The following SCUBE1 variants were observed in gnomAD, a reference collection of about 807,000 sequenced individuals.
The protein encoded by SCUBE1 is signal peptide, CUB and EGF-like domain-containing protein 1.
SCUBE1 carries 59 observed loss-of-function variants against 124.4 expected under a neutral mutation model. The observed-to-expected ratio is 0.47, with a 90% CI of 0.38 to 0.59. The LOEUF is 0.59. Ranked by LOEUF, SCUBE1 falls within the 20% of genes least tolerant of loss-of-function variation. SCUBE1 has a pLI of 0.00. For synonymous variants in SCUBE1, 545 were observed against 550.9 expected, an observed-to-expected ratio of 0.99 and a Z score of 0.15; for missense variants, 1,150 against 1,371.2, an observed-to-expected ratio of 0.84 and a Z score of 2.55.
chr22:43,326,614 G>T (rs769251795), intron 2 of SCUBE1, among the ~76,000 whole-genome samples: 1 of 152,104 alleles, frequency 6.6e-6, no homozygotes, highest in Non-Finnish European at 1.5e-5. Context: ...TTACAGGAAA[G>T]GTCAAAGGGC....
intron 3 of SCUBE1, among the ~76,000 whole-genome samples, chr22:43,295,960 C>T (rs1161070997): frequency 6.6e-6 from 1 of 151,804 alleles, no homozygotes; most frequent in Admixed American, 6.6e-5. Flanking sequence ...CGGAGGTGTT[C>T]TGAAAGCAAA....
intron 3 of SCUBE1, among the ~76,000 whole-genome samples, chr22:43,298,791 G>A (rs11912893): frequency 0.015 from 2,189 of 149,632 alleles, 26 homozygotes; most frequent in African/African-American, 0.03. Context: ...GGTGGCTCAC[G>A]CCTGTAATCC....
At chr22:43,259,630 T>G (rs1028794215) in intron 5 of SCUBE1, among the ~76,000 whole-genome samples, 3 of 152,134 alleles carry the variant, frequency 2.0e-5, no homozygotes, top group African/African-American at 7.2e-5. Flanking sequence ...ATGGGGCACC[T>G]CAGCCTTGGA....
At chr22:43,206,045 C>T (rs1354128956) in intron 21 of SCUBE1, among the ~76,000 whole-genome samples, 1 of 144,894 alleles carries the variant, frequency 6.9e-6, no homozygotes, top group East Asian at 2.1e-4. Context: ...ACACACTCAC[C>T]CCCACACACA....
At chr22:43,289,308 C>T (rs4820516) in intron 4 of SCUBE1, among the ~76,000 whole-genome samples, 141,685 of 152,296 alleles carry the variant, frequency 0.93, 66,047 homozygotes, top group East Asian at 1. Context: ...TTTGCCTCCA[C>T]CGTGGGCAGC....
Position 43,331,239 on chromosome 22 carries a change from G to C in SCUBE1, c.220+7865C>G, listed in dbSNP as rs571427555. Among the ~76,000 whole-genome samples the C allele has an allele frequency of 2.3e-3, 350 of 152,222 alleles. 7 individuals carry two copies. The highest frequency in any genetic ancestry group is 0.01 in the Middle Eastern group (3 of 292). ...GTAGACGCCGGGGATATAAAATTCAGGAAGTGATTATTTACATTCATTACA... is the reference window on the plus strand; with the variant it reads ...GTAGACGCCGGGGATATAAAATTCACGAAGTGATTATTTACATTCATTACA... On this transcript the variant is annotated intron_variant, in intron 2 of 21. Coordinates refer to ENST00000360835, the MANE Select transcript of SCUBE1 (RefSeq NM_173050.5).
intron 16 of SCUBE1, chr22:43,213,250 G>A (rs35478791): frequency 0.074 from 11,309 of 152,418 alleles, 761 homozygotes; most frequent in African/African-American, 0.17. Flanking sequence ...ACCCAAACAC[G>A]GAATCTCCTA....
intron 14 of SCUBE1, among the ~76,000 whole-genome samples, chr22:43,219,462 A>T (rs1250914567): frequency 2.0e-5 from 3 of 151,590 alleles, no homozygotes; most frequent in Non-Finnish European, 4.4e-5. Flanking sequence ...TAGCAACGCA[A>T]ATAGACTAAA....
At chr22:43,225,027 A>G (rs994223900) in intron 10 of SCUBE1, among the ~76,000 whole-genome samples, 5 of 152,220 alleles carry the variant, frequency 3.3e-5, no homozygotes, top group Non-Finnish European at 4.4e-5. Context: ...ATACATTAAT[A>G]TATTTAAGAG....
intron 16 of SCUBE1, 132 bp downstream of exon 16, chr22:43,213,958 A>G: frequency 3.1e-6 from 3 of 970,678 alleles, no homozygotes; most frequent in African/African-American, 1.6e-5. Context: ...GGAAACGACA[A>G]GGAACTTTAG....
chr22:43,217,233 C>T (rs1414627127), intron 15 of SCUBE1, among the ~76,000 whole-genome samples: 1 of 151,104 alleles, frequency 6.6e-6, no homozygotes, highest in Non-Finnish European at 1.5e-5. Flanking sequence ...TTTGAGGCTT[C>T]GGACTTGTGG....
intron 2 of SCUBE1, among the ~76,000 whole-genome samples, chr22:43,323,741 A>G (rs2146788771): frequency 6.6e-6 from 1 of 152,200 alleles, no homozygotes; most frequent in South Asian, 2.1e-4. Flanking sequence ...TCAAACACCT[A>G]CCTACCCATT....
At position 43,227,488 on chromosome 22, in the gene SCUBE1, C is replaced by T. The variant is rs1354921762; in HGVS notation, c.1093G>A (p.Glu365Lys). The change falls in exon 10 of 22, where the codon GAG becomes AAG. Residue 365 changes from glutamate to lysine, a missense_variant. Physicochemically the swap from Glu to Lys is moderately conservative, Grantham distance 56 (BLOSUM62 1). This residue lies in a region of SCUBE1 where 337 missense variants were observed against 482.1 expected (regional missense o/e 0.70). Transcript: ENST00000360835. ...CAGCTCCCGTTGCTCATGCTGCACT[C>T]GTCCACATCTGGAAGCACAGCGGGC... ...YGTTHCGDVD[E>K]CSMSNGSCDQ... 5.0e-6 allele frequency: 8 copies of T among 1,612,138 alleles called. No individual in the cohort carries two copies. Among genetic ancestry groups the T allele is most frequent in the South Asian group, 2.2e-5 (2 of 91,074 alleles).
At chr22:43,264,003 A>G (rs1923971089) in intron 4 of SCUBE1, among the ~76,000 whole-genome samples, 1 of 152,200 alleles carries the variant, frequency 6.6e-6, no homozygotes, top group East Asian at 1.9e-4. Flanking sequence ...CGTGCGGTCA[A>G]CGCTTAACAG....
intron 6 of SCUBE1, among the ~76,000 whole-genome samples, chr22:43,243,002 G>T (rs531888512): frequency 1.3e-5 from 2 of 152,336 alleles, no homozygotes; most frequent in Admixed American, 6.5e-5. Flanking sequence ...AATAAAAATG[G>T]AATTGCCTTG....
intron 3 of SCUBE1, among the ~76,000 whole-genome samples, chr22:43,297,695 C>T (rs184726156): frequency 2.0e-5 from 3 of 152,234 alleles, no homozygotes; most frequent in African/African-American, 7.2e-5. Context: ...GCCCAAGATG[C>T]TGATGTTTGT....
intron 3 of SCUBE1, among the ~76,000 whole-genome samples, chr22:43,311,507 GC>G (rs1291612638): frequency 2.0e-5 from 3 of 148,326 alleles, no homozygotes; most frequent in Non-Finnish European, 4.5e-5. Flanking sequence ...TGCAACCTCT[GC>G]CCCCCGGGTT....
intron 3 of SCUBE1, among the ~76,000 whole-genome samples, chr22:43,298,282 G>A (rs999910236): frequency 3.9e-5 from 6 of 152,208 alleles, no homozygotes; most frequent in Non-Finnish European, 8.8e-5. Flanking sequence ...GGTATGCCTG[G>A]GGTCTCCCAG....
rs1921083349 is a variant in SCUBE1 at position 43,203,360 on chromosome 22, G to GTATATATATATATTTATATATA, written c.*615_*636dup. 2 of 146,766 alleles carry GTATATATATATATTTATATATA rather than the reference G, an allele frequency of 1.4e-5. No individual in the cohort carries two copies. The highest frequency in any genetic ancestry group is 5.0e-5 in the African/African-American group (2 of 40,332). The allele number at this position is 146,766 out of a possible 1,614,324, so 9.1% of individuals were successfully genotyped here. On this transcript the variant is annotated 3_prime_UTR_variant, in exon 22 of 22. Coordinates refer to ENST00000360835, the MANE Select transcript of SCUBE1 (RefSeq NM_173050.5). Reference sequence around the variant, plus strand: ...TTTCCTAAAGTACCCACAAATAGAAGTATATATATATATTTATATATATAT... The same window carrying GTATATATATATATTTATATATA: ...TTTCCTAAAGTACCCACAAATAGAAGTATATATATATATTTATATATATATATATATATATTTATATATATAT...
Sources: allele counts gnomAD v4.1 joint callset (sites outside exome capture counted in the v4.1 genomes callset), GRCh38; gene constraint gnomAD v4.1.1; regional missense constraint gnomAD v4.1.1; transcripts MANE v1.5; gene names NCBI Gene and HGNC (gene_info 2026-07-23, HGNC 2026-07-21).